PCDH17: variants seen among roughly 807,000 people sequenced by gnomAD.
The protein encoded by PCDH17 is protocadherin-17.
PCDH17 carries 21 observed loss-of-function variants against 67.7 expected under a neutral mutation model. The observed-to-expected ratio is 0.31, with a 90% confidence interval of 0.22 to 0.45. PCDH17 has a LOEUF of 0.45. PCDH17 is among the 20% of genes least tolerant of loss of function. The pLI is 1.00. For missense variants in PCDH17, 1,471 were observed against 1,564.8 expected, an observed-to-expected ratio of 0.94 and a Z score of 1.01; for synonymous variants, 701 against 656.7, an observed-to-expected ratio of 1.07 and a Z score of -1.03.
rs747399817 is a variant in PCDH17, at chr13:57,632,657, C to T, written c.111C>T (p.Asn37=). ...EEQGAGTVIG[N]IGRDARLQPG... The stretch of plus-strand genomic sequence containing the variant: ...AAGGGGCCGGCACGGTGATCGGGAA[C>T]ATCGGCAGGGATGCTCGACTGCAGC... Residue 37 remains asparagine (N), a synonymous_variant, in exon 1 of 4, where the codon AAC becomes AAT. Transcript: ENST00000377918. 3.1e-6 allele frequency: 5 copies of T among 1,612,722 alleles called. No homozygotes were observed. The African/African-American group carries it at 5.3e-5, about 17-fold the overall frequency.
At chr13:57,636,294 A>C (rs1285803701) in intron 1 of PCDH17, among the ~76,000 whole-genome samples, 1 of 152,208 alleles carries the variant, frequency 6.6e-6, no homozygotes, top group Non-Finnish European at 1.5e-5. Flanking sequence ...TGACACCGCA[A>C]GAGGAAGATT....
At chr13:57,673,198 T>C (rs1955345232) in intron 3 of PCDH17, among the ~76,000 whole-genome samples, 1 of 151,954 alleles carries the variant, frequency 6.6e-6, no homozygotes, top group African/African-American at 2.4e-5. Flanking sequence ...GAAGTTCCTT[T>C]AGATCCTCCA....
chr13:57,702,723 C>T (rs938109913), intron 3 of PCDH17, among the ~76,000 whole-genome samples: 3 of 152,156 alleles, frequency 2.0e-5, no homozygotes, highest in African/African-American at 7.2e-5. Flanking sequence ...CAGTATGACA[C>T]GCAACTGCAT....
At chr13:57,637,763 G>A (rs1047559717) in intron 1 of PCDH17, among the ~76,000 whole-genome samples, 3 of 151,922 alleles carry the variant, frequency 2.0e-5, no homozygotes, top group African/African-American at 4.8e-5. Flanking sequence ...GGTACAGTGC[G>A]GTGATATGAA....
chr13:57,720,955 A>G (rs1955867439), intron 3 of PCDH17, among the ~76,000 whole-genome samples: 1 of 152,158 alleles, frequency 6.6e-6, no homozygotes, highest in African/African-American at 2.4e-5. Context: ...TCTTAATACT[A>G]AACAAGTGTT....
intron 3 of PCDH17, among the ~76,000 whole-genome samples, chr13:57,674,175 G>C (rs1205235586): frequency 6.6e-6 from 1 of 151,854 alleles, no homozygotes; most frequent in Non-Finnish European, 1.5e-5. Flanking sequence ...GCTAAAATTA[G>C]GGAATGCTGG....
At chr13:57,694,199 G>A (rs1955585725) in intron 3 of PCDH17, among the ~76,000 whole-genome samples, 1 of 151,184 alleles carries the variant, frequency 6.6e-6, no homozygotes, top group African/African-American at 2.4e-5. Flanking sequence ...TTTATGCTAT[G>A]TTTTCTCAGC....
At chr13:57,642,239 A>G (rs1954915408) in intron 1 of PCDH17, among the ~76,000 whole-genome samples, 1 of 151,754 alleles carries the variant, frequency 6.6e-6, no homozygotes, top group Admixed American at 6.6e-5. Context: ...GGAACACATT[A>G]AAGGGACTAT....
chr13:57,684,455 C>T (rs958925383), intron 3 of PCDH17, among the ~76,000 whole-genome samples: 36 of 151,914 alleles, frequency 2.4e-4, no homozygotes, highest in African/African-American at 6.7e-4. Context: ...CTCAAATGTA[C>T]TCTAATTGTG....
At chr13:57,647,829 T>C (rs188825212) in intron 1 of PCDH17, among the ~76,000 whole-genome samples, 26 of 152,026 alleles carry the variant, frequency 1.7e-4, no homozygotes, top group Admixed American at 1.1e-3. Context: ...ATAGTCGAGA[T>C]AAAATTCTCC....
intron 3 of PCDH17, among the ~76,000 whole-genome samples, chr13:57,702,627 A>T (rs1955677929): frequency 6.6e-6 from 1 of 152,148 alleles, no homozygotes; most frequent in Non-Finnish European, 1.5e-5. Flanking sequence ...CAACTCCTCA[A>T]ACAAAGCAGG....
Position 57,633,868 on chromosome 13 carries a change from C to T in PCDH17, c.1322C>T (p.Thr441Ile). ...GAGACACAAGACGAGTACAACGTGACCATCGTGGCGCGGGACGGGGGCTCT... is the reference window on the plus strand; with the variant it reads ...GAGACACAAGACGAGTACAACGTGATCATCGTGGCGCGGGACGGGGGCTCT... ...DRETQDEYNVTIVARDGGSPP... is the reference protein window; with the variant it reads ...DRETQDEYNVIIVARDGGSPP... The change falls in exon 1 of 4, where the codon ACC (threonine) becomes ATC (isoleucine). Residue 441 changes from threonine to isoleucine, a missense_variant. Physicochemically the swap from Thr to Ile is moderately conservative, Grantham distance 89. Coordinates refer to ENST00000377918, the MANE Select transcript of PCDH17 (RefSeq NM_001040429.3). This position sits in a 1 kb window ranked among gnomAD's most constrained non-coding sequence, Gnocchi z 6.2. 2 of 1,613,114 alleles carry T rather than the reference C, an allele frequency of 1.2e-6. No individual in the cohort carries two copies. The highest frequency in any genetic ancestry group is 2.2e-5 in the South Asian group (2 of 91,090).
At chr13:57,716,078 T>C (rs1401705103) in intron 3 of PCDH17, among the ~76,000 whole-genome samples, 3 of 151,966 alleles carry the variant, frequency 2.0e-5, no homozygotes, top group African/African-American at 7.2e-5. Context: ...GGTCTTGTTG[T>C]GTCTGTTGGA....
chr13:57,671,150 T>C (rs1020232148), intron 3 of PCDH17, among the ~76,000 whole-genome samples: 3 of 151,832 alleles, frequency 2.0e-5, no homozygotes, highest in African/African-American at 7.2e-5. Flanking sequence ...TAAAATATAG[T>C]AGGTAGGAAG....
intron 1 of PCDH17, among the ~76,000 whole-genome samples, chr13:57,657,330 G>A (rs1474592050): frequency 2.0e-5 from 3 of 151,986 alleles, no homozygotes; most frequent in Non-Finnish European, 2.9e-5. Flanking sequence ...TTTTTATTAC[G>A]CCTTTAGTAG....
At chr13:57,639,031 C>A (rs1954859172) in intron 1 of PCDH17, among the ~76,000 whole-genome samples, 1 of 151,928 alleles carries the variant, frequency 6.6e-6, no homozygotes, top group Non-Finnish European at 1.5e-5. Context: ...GATTTTTATT[C>A]TAAGACAGCT....
intron 1 of PCDH17, among the ~76,000 whole-genome samples, chr13:57,660,984 T>C (rs1160741054): frequency 6.6e-6 from 1 of 152,182 alleles, no homozygotes; most frequent in Non-Finnish European, 1.5e-5. Flanking sequence ...TACAGAATTT[T>C]GTGTGAACAT....
chr13:57,678,674 G>T (rs925724501), intron 3 of PCDH17, among the ~76,000 whole-genome samples: 20 of 151,388 alleles, frequency 1.3e-4, no homozygotes, highest in African/African-American at 4.8e-4. Context: ...GAGGAGCTAA[G>T]AAAATTACCA....
At chr13:57,689,144 A>G (rs1955533957) in intron 3 of PCDH17, among the ~76,000 whole-genome samples, 1 of 152,090 alleles carries the variant, frequency 6.6e-6, no homozygotes, top group East Asian at 1.9e-4. Flanking sequence ...GAACAGCAAG[A>G]TTCATTCAAC....
Sources: allele counts gnomAD v4.1 joint callset (sites outside exome capture counted in the v4.1 genomes callset), GRCh38; gene constraint gnomAD v4.1.1; non-coding constraint Gnocchi (gnomAD v3.1); transcripts MANE v1.5; gene names NCBI Gene and HGNC (gene_info 2026-07-23, HGNC 2026-07-21).